LIMA1: variants seen among roughly 807,000 people sequenced by gnomAD.
LIMA1 encodes LIM domain and actin binding 1.
In LIMA1, 52 loss-of-function variants were observed where a neutral mutation model predicts 62.6. The ratio of observed to expected loss-of-function variants is 0.83; its 90% CI spans 0.67 to 1.05. The LOEUF (loss-of-function observed/expected upper bound fraction) is 1.05. Among genes scored for constraint, LIMA1 ranks in the 50% least tolerant of loss-of-function variants. LIMA1 has a pLI of 0.00. For missense variants in LIMA1, 780 were observed against 902.2 expected, an observed-to-expected ratio of 0.86 and a Z score of 1.74; for synonymous variants, 302 against 317.8, an observed-to-expected ratio of 0.95 and a Z score of 0.53.
intron 9 of LIMA1, among the ~76,000 whole-genome samples, chr12:50,191,104 G>A (rs1204193223): frequency 3.6e-5 from 4 of 112,438 alleles, no homozygotes; most frequent in Non-Finnish European, 6.8e-5. Context: ...GTGAGAACCT[G>A]TCTCAAAAAA....
chr12:50,244,087 T>C (rs2052331223), intron 2 of LIMA1, among the ~76,000 whole-genome samples: 1 of 150,076 alleles, frequency 6.7e-6, no homozygotes. Flanking sequence ...AGCTAAATTT[T>C]TGTATTTTTT....
chr12:50,194,074 A>G lies in LIMA1; in HGVS notation c.1031-1513T>C, dbSNP rs575961396. Among the ~76,000 whole-genome samples, 29 of 148,902 alleles carry G rather than the reference A, an allele frequency of 1.9e-4. 2 individuals carry two copies. In the South Asian group the frequency reaches 6.2e-3, roughly 32 times the overall value. On this transcript the variant is annotated intron_variant, in intron 8 of 10. Coordinates refer to ENST00000341247, the MANE Select transcript of LIMA1 (RefSeq NM_016357.5). ...ATGATCTCAGCTCACTGCAGCCTCC[A>G]CCTCCTGGGTTCAAGCAATTCTCCT...
chr12:50,176,969 T>C lies in LIMA1; in HGVS notation c.*95A>G, dbSNP rs901405534. 15 of 942,382 alleles carry C rather than the reference T, an allele frequency of 1.6e-5. No homozygotes were observed. Among genetic ancestry groups the C allele is most frequent in the Admixed American group, 5.9e-5 (2 of 33,622 alleles). 58.4% of individuals were successfully genotyped at this position (942,382 alleles called of 1,614,324 possible). ...TTACTTCCAAGTAAATTACATTTCA[T>C]GCTGGGATACCTGCTTATGTGCATC... On this transcript the variant is annotated 3_prime_UTR_variant, in exon 11 of 11. Coordinates refer to ENST00000341247, the MANE Select transcript of LIMA1 (RefSeq NM_016357.5).
chr12:50,225,937 C>A (rs991275751), intron 3 of LIMA1, among the ~76,000 whole-genome samples: 1 of 152,188 alleles, frequency 6.6e-6, no homozygotes, highest in Non-Finnish European at 1.5e-5. Context: ...TATTTGCCAA[C>A]TGTTTAGATT....
At chr12:50,192,343 C>G (rs1037301124) in intron 9 of LIMA1, 109 bp downstream of exon 9, 13 of 813,318 alleles carry the variant, frequency 1.6e-5, no homozygotes, top group African/African-American at 1.3e-4. Context: ...GCATTATCAT[C>G]CACAGGAAAG....
rs373214767 is a variant in LIMA1, at chr12:50,195,857, G to C, written c.1003C>G (p.Arg335Gly). 6.3e-7 allele frequency: 1 copy of C among 1,589,936 alleles called. No homozygotes were observed. The highest frequency in any genetic ancestry group is 1.4e-5 in the African/African-American group (1 of 70,992). Residue 335 changes from arginine to glycine, a missense_variant, in exon 8 of 11, where the codon CGT (arginine) becomes GGT (glycine). Physicochemically the swap from Arg to Gly is moderately radical, Grantham distance 125. Coordinates refer to ENST00000341247, the MANE Select transcript of LIMA1 (RefSeq NM_016357.5). ...GAGTCATCTTCGGCAGGGGTGGAAC[G>C]GACTGCCAGGCTATTCTCATTTGCA... The part of the protein sequence containing the change: ...ISANENSLAV[R>G]STPAEDDSRD...
intron 2 of LIMA1, among the ~76,000 whole-genome samples, chr12:50,247,956 C>T (rs1353688092): frequency 7.9e-5 from 12 of 152,188 alleles, no homozygotes; most frequent in African/African-American, 2.6e-4. Flanking sequence ...GTTTTATTTA[C>T]TAATCAGCAG....
intron 2 of LIMA1, among the ~76,000 whole-genome samples, chr12:50,246,653 C>G (rs973235782): frequency 6.6e-6 from 1 of 152,186 alleles, no homozygotes; most frequent in African/African-American, 2.4e-5. Context: ...AAATCCTAAC[C>G]TTAGCAGAGC....
chr12:50,206,220 A>C, intron 4 of LIMA1, 152 bp from the exon 5 acceptor site: 1 of 554,832 alleles, frequency 1.8e-6, no homozygotes, highest in Non-Finnish European at 3.1e-6. Flanking sequence ...AATATCAAGC[A>C]CTACACATTC....
chr12:50,223,365 C>T (rs571472494), intron 3 of LIMA1, among the ~76,000 whole-genome samples: 1 of 152,174 alleles, frequency 6.6e-6, no homozygotes, highest in South Asian at 2.1e-4. Flanking sequence ...CACCCATAGT[C>T]CCAGCTACTC....
Position 50,222,278 on chromosome 12 carries a change from GGAT to G in LIMA1, c.370_372del (p.Ile124del), listed in dbSNP as rs1261875170. On this transcript the variant is annotated inframe_deletion, in exon 4 of 11. Transcript: ENST00000341247. ...GGTGACCTGAGTCTAGATCTGGGGTGGATTTGTTCTTCTTGGTCAGCTTTGGCT... is the reference window on the plus strand; with the variant it reads ...GGTGACCTGAGTCTAGATCTGGGGTGTTGTTCTTCTTGGTCAGCTTTGGCT... 4 of 1,614,040 alleles carry G rather than the reference GGAT, an allele frequency of 2.5e-6. No individual in the cohort carries two copies. The African/African-American group carries it at 4.0e-5, about 16-fold the overall frequency.
chr12:50,225,513 T>C (rs1324048641), intron 3 of LIMA1, among the ~76,000 whole-genome samples: 3 of 152,230 alleles, frequency 2.0e-5, no homozygotes, highest in African/African-American at 7.2e-5. Context: ...AATCACCTAA[T>C]GTGCTTTTGA....
intron 2 of LIMA1, among the ~76,000 whole-genome samples, chr12:50,241,032 A>G (rs1349151722): frequency 6.6e-6 from 1 of 152,188 alleles, no homozygotes; most frequent in Non-Finnish European, 1.5e-5. Flanking sequence ...CATCCCTTTG[A>G]TTTAGCAACA....
intron 7 of LIMA1, among the ~76,000 whole-genome samples, chr12:50,199,906 T>C (rs1466613762): frequency 6.6e-6 from 1 of 152,108 alleles, no homozygotes; most frequent in Non-Finnish European, 1.5e-5. Flanking sequence ...AGATTTTTTT[T>C]TTTTGAGATG....
rs139548333 is a variant in LIMA1, at chr12:50,177,753, C to A, written c.1591G>T (p.Ala531Ser). ...KPAETKKLRI[A>S]WPPPTELGSS... Reference sequence around the variant, plus strand: ...CCAAGTTCAGTGGGGGGTGGCCAGGCGATCCTCAGCTTCTTGGTTTCAGCT... The same window carrying A: ...CCAAGTTCAGTGGGGGGTGGCCAGGAGATCCTCAGCTTCTTGGTTTCAGCT... The change falls in exon 11 of 11, where the codon GCC (alanine) becomes TCC (serine). Residue 531 changes from alanine (A) to serine (S), a missense_variant. Transcript: ENST00000341247. The A allele has an allele frequency of 6.8e-6, 11 of 1,613,936 alleles. No individual in the cohort carries two copies. In the East Asian group the frequency reaches 1.1e-4, roughly 16 times the overall value.
At chr12:50,280,048 A>G (rs777274709) in intron 1 of LIMA1, among the ~76,000 whole-genome samples, 17 of 151,778 alleles carry the variant, frequency 1.1e-4, no homozygotes, top group Non-Finnish European at 2.5e-4. Flanking sequence ...AGAATAATTA[A>G]GGGGGAAAAT....
rs577392957 is a variant in LIMA1 at position 50,251,928 on chromosome 12, C to T, written c.-23-3154G>A. Among the ~76,000 whole-genome samples the T allele has an allele frequency of 4.6e-5, 7 of 152,138 alleles. No homozygotes were observed. In the East Asian group the frequency reaches 5.8e-4, roughly 13 times the overall value. ...GATTAGTACCTATGAAACAGATAAA[C>T]GTGAGAATCAATACATGATTTTTGA... On this transcript the variant is annotated intron_variant, in intron 1 of 10. Transcript: ENST00000341247.
Position 50,248,792 on chromosome 12 carries a change from T to C in LIMA1, c.-23-18A>G. The stretch of plus-strand genomic sequence containing the variant: ...TGAAATACCTATGCAATAAAGAAAG[T>C]CAGAACATTAGACACAGAAGAGGAT... On this transcript the variant is annotated intron_variant, in intron 1 of 10. Coordinates refer to ENST00000341247, the MANE Select transcript of LIMA1 (RefSeq NM_016357.5). 8.3e-7 allele frequency: 1 copy of C among 1,207,874 alleles called. No homozygotes were observed. Among genetic ancestry groups the C allele is most frequent in the Non-Finnish European group, 1.2e-6 (1 of 812,038 alleles). 74.8% of individuals were successfully genotyped at this position (1,207,874 alleles called of 1,614,324 possible).
At chr12:50,192,961 G>C (rs1223385186) in intron 8 of LIMA1, among the ~76,000 whole-genome samples, 1 of 151,012 alleles carries the variant, frequency 6.6e-6, no homozygotes, top group African/African-American at 2.4e-5. Context: ...GAGATGTGAG[G>C]GCAGAAATTT....
Sources: gnomAD v4.1 joint callset for allele counts (sites outside exome capture counted in the v4.1 genomes callset) on GRCh38, gnomAD v4.1.1 for gene constraint, MANE v1.5 for transcripts, NCBI Gene and HGNC (gene_info 2026-07-23, HGNC 2026-07-21) for gene names.